The following IP6K2 variants were observed in gnomAD, a reference collection of about 807,000 sequenced individuals.
The protein encoded by IP6K2 is ATP:1D-myo-inositol-hexakisphosphate phosphotransferase.
A neutral mutation model predicts 43.3 loss-of-function variants in IP6K2; 9 were observed. That is an observed-to-expected ratio of 0.21 (90% CI 0.13 to 0.36). The LOEUF (loss-of-function observed/expected upper bound fraction) is 0.36, where lower values mean the gene tolerates loss of function less well. IP6K2 is among the 10% of genes least tolerant of loss of function. The pLI, the probability that IP6K2 is intolerant of heterozygous loss-of-function variation, is 1.00. For missense variants in IP6K2, 332 were observed against 538.4 expected, an observed-to-expected ratio of 0.62 and a Z score of 3.79; for synonymous variants, 209 against 202.4, an observed-to-expected ratio of 1.03 and a Z score of -0.28.
intron 3 of IP6K2, among the ~76,000 whole-genome samples, chr3:48,691,832 A>AAATC (rs996466224): frequency 3.9e-5 from 6 of 151,986 alleles, no homozygotes; most frequent in African/African-American, 1.4e-4. Flanking sequence ...ATAAATAAAT[A>AAATC]AATAAAATCC....
chr3:48,693,790 T>C, intron 2 of IP6K2: 1 of 1,057,436 alleles, frequency 9.5e-7, no homozygotes, highest in Non-Finnish European at 1.1e-6. Flanking sequence ...TATGTTTTTA[T>C]TGGTCTTTGC....
chr3:48,704,591 C>T (rs991717739), intron 1 of IP6K2, among the ~76,000 whole-genome samples: 5 of 151,804 alleles, frequency 3.3e-5, no homozygotes, highest in Non-Finnish European at 7.4e-5. Flanking sequence ...ACCTCAGCTT[C>T]CCAAGTTGCT....
At position 48,693,363 on chromosome 3, in the gene IP6K2, A is replaced by G. The variant is rs1438568719; in HGVS notation, c.203-184T>C. ...GCTAGAAAAGATGACACCATACAAG[A>G]CAAGCAATTAGGGAGCAAACATGGC... On this transcript the variant is annotated intron_variant, in intron 2 of 5. Transcript: ENST00000328631. 3 of 1,141,288 alleles carry G rather than the reference A, an allele frequency of 2.6e-6. No individual in the cohort carries two copies. In the Admixed American group the frequency reaches 5.2e-5, roughly 20 times the overall value. 70.7% of individuals were successfully genotyped at this position (1,141,288 alleles called of 1,614,324 possible).
rs1004913374 is a variant in IP6K2 at position 48,695,925 on chromosome 3, G to A, written c.-130-504C>T. On this transcript the variant is annotated intron_variant, in intron 1 of 5. Transcript: ENST00000328631. The surrounding 1 kb of genome is among the most constrained non-coding windows in gnomAD (Gnocchi z 4.6). ...TTTTGAGATGGAGTCTCACTCTATC[G>A]CCAGGCGGGAGTGCAGTGGCACAAT... 1.4e-5 allele frequency among the ~76,000 whole-genome samples: 2 copies of A among 147,948 alleles called. No individual in the cohort carries two copies.
intron 1 of IP6K2, among the ~76,000 whole-genome samples, chr3:48,713,739 C>T (rs200742231): frequency 6.8e-5 from 10 of 146,816 alleles, no homozygotes; most frequent in East Asian, 4.0e-4. Context: ...TGCAGTGAGC[C>T]GAGATCACAC....
At chr3:48,702,847 C>A (rs35064573) in intron 1 of IP6K2, among the ~76,000 whole-genome samples, 20,328 of 152,174 alleles carry the variant, frequency 0.13, 1,516 homozygotes, top group African/African-American at 0.2. Flanking sequence ...TCTACAAGAG[C>A]ACCAGCATAA....
intron 1 of IP6K2, among the ~76,000 whole-genome samples, chr3:48,710,025 A>G (rs894391599): frequency 2.6e-5 from 4 of 152,176 alleles, no homozygotes; most frequent in Non-Finnish European, 4.4e-5. Flanking sequence ...TCCAAAGCAA[A>G]GGTCACACTG....
In IP6K2 at chr3:48,688,164, G is replaced by T; in HGVS notation, c.*109C>A. The T allele has an allele frequency of 8.0e-7, 1 of 1,252,944 alleles. No homozygotes were observed. The highest frequency in any genetic ancestry group is 1.1e-6 in the Non-Finnish European group (1 of 877,260). The allele number at this position is 1,252,944 out of a possible 1,614,324, so 77.6% of individuals were successfully genotyped here. ...GGCTCACAGAGGCCACTGCACATCA[G>T]CTCCAGGCTGCAGGAGCCACCACCT... is the stretch of plus-strand genomic sequence containing the variant. On this transcript the variant is annotated 3_prime_UTR_variant, in exon 6 of 6. Coordinates refer to ENST00000328631, the MANE Select transcript of IP6K2 (RefSeq NM_016291.4). The surrounding 1 kb of genome is among the most constrained non-coding windows in gnomAD (Gnocchi z 5.1).
intron 1 of IP6K2, among the ~76,000 whole-genome samples, chr3:48,698,806 G>A (rs920726762): frequency 2.0e-5 from 3 of 152,120 alleles, no homozygotes; most frequent in Non-Finnish European, 4.4e-5. Flanking sequence ...AGGTGTAGTG[G>A]TGCATGCCTG....
intron 1 of IP6K2, among the ~76,000 whole-genome samples, chr3:48,704,045 T>C (rs1000107236): frequency 3.9e-5 from 6 of 152,044 alleles, no homozygotes; most frequent in Admixed American, 6.6e-5. Flanking sequence ...TGACCGGAGA[T>C]TGCGCCACTG....
At chr3:48,700,623 G>C (rs965318286) in intron 1 of IP6K2, among the ~76,000 whole-genome samples, 1 of 152,264 alleles carries the variant, frequency 6.6e-6, no homozygotes, top group African/African-American at 2.4e-5. Context: ...TATCAAATTG[G>C]TTTAAGGATC....
chr3:48,715,266 T>C, intron 1 of IP6K2: 1 of 1,534,792 alleles, frequency 6.5e-7, no homozygotes, highest in South Asian at 1.2e-5. Flanking sequence ...AAGGGAAAAT[T>C]CTTCCCCAGT....
chr3:48,696,006 C>T (rs2078303329), intron 1 of IP6K2, among the ~76,000 whole-genome samples: 1 of 151,610 alleles, frequency 6.6e-6, no homozygotes, highest in Non-Finnish European at 1.5e-5. Context: ...CTGCCTCAGC[C>T]TCCCGAGTAG....
In IP6K2 at chr3:48,693,144, T is replaced by C. The variant is rs2106802306; in HGVS notation, c.238A>G (p.Arg80Gly). The change falls in exon 3 of 6, where the codon AGG becomes GGG. Residue 80 changes from arginine to glycine, a missense_variant. Coordinates refer to ENST00000328631, the MANE Select transcript of IP6K2 (RefSeq NM_016291.4). Reference sequence around the variant, plus strand: ...GGATATGCTATTAGACACAAGTTCCTGTCTTCATCTTCTTCAAAGCGCACA... The same window carrying C: ...GGATATGCTATTAGACACAAGTTCCCGTCTTCATCTTCTTCAAAGCGCACA... ...VSVRFEEDED[R>G]NLCLIAYPLK... The C allele has an allele frequency of 1.2e-6, 2 of 1,614,226 alleles. No individual in the cohort carries two copies. The highest frequency in any genetic ancestry group is 2.2e-5 in the South Asian group (2 of 91,078).
At position 48,695,838 on chromosome 3, in the gene IP6K2, TAA is replaced by T. The variant is rs978637738; in HGVS notation, c.-130-419_-130-418del. ...TCCCATTAATTTTATATATTATATA[TAA>T]TATATATTATATATATAAAATAAAT... On this transcript the variant is annotated intron_variant, in intron 1 of 5. Transcript: ENST00000328631. The surrounding 1 kb of genome is among the most constrained non-coding windows in gnomAD (Gnocchi z 4.6). Among the ~76,000 whole-genome samples the T allele has an allele frequency of 2.0e-5, 3 of 146,960 alleles. No homozygotes were observed. Among genetic ancestry groups the T allele is most frequent in the African/African-American group, 7.4e-5 (3 of 40,544 alleles).
At chr3:48,691,800 CAAAA>C (rs1210074362) in intron 3 of IP6K2, among the ~76,000 whole-genome samples, 1 of 140,698 alleles carries the variant, frequency 7.1e-6, no homozygotes, top group Non-Finnish European at 1.5e-5. Flanking sequence ...AAGAAAGACT[CAAAA>C]AATAAATAAA....
At chr3:48,693,624 G>C in intron 2 of IP6K2, 2 of 1,142,980 alleles carry the variant, frequency 1.7e-6, no homozygotes, top group Non-Finnish European at 2.2e-6. Context: ...AGGTTTGCCT[G>C]AGGGTTAAGA....
chr3:48,694,140 G>A, intron 2 of IP6K2: 1 of 1,535,480 alleles, frequency 6.5e-7, no homozygotes, highest in Non-Finnish European at 8.8e-7. Context: ...AGGAGCCGGG[G>A]TGGGGTATTC....
intron 1 of IP6K2, among the ~76,000 whole-genome samples, chr3:48,704,654 G>A (rs192696757): frequency 6.6e-6 from 1 of 152,204 alleles, no homozygotes; most frequent in East Asian, 1.9e-4. Context: ...GTATTTCTGT[G>A]TAGAGACGGG....
Sources: gnomAD v4.1 joint callset for allele counts (sites outside exome capture counted in the v4.1 genomes callset) on GRCh38, gnomAD v4.1.1 for gene constraint, Gnocchi (gnomAD v3.1) non-coding constraint, MANE v1.5 for transcripts, NCBI Gene and HGNC (gene_info 2026-07-23, HGNC 2026-07-21) for gene names.